Variants in ANO1 observed in about 807,000 individuals in gnomAD.
ANO1 encodes the protein anoctamin-1.
In ANO1, 59 loss-of-function variants were observed where a neutral mutation model predicts 124.0. The observed-to-expected ratio is 0.48, with a 90% CI of 0.39 to 0.59. The LOEUF (loss-of-function observed/expected upper bound fraction) is 0.59, where lower values mean the gene tolerates loss of function less well. Among genes scored for constraint, ANO1 ranks in the 20% least tolerant of loss-of-function variants. ANO1 has a pLI of 0.00. For synonymous variants in ANO1, 529 were observed against 532.0 expected (o/e 0.99, Z 0.08); for missense variants, 1,059 against 1,328.0 (o/e 0.80, Z 3.15).
intron 1 of ANO1, among the ~76,000 whole-genome samples, chr11:70,062,753 A>G (rs1311111549): frequency 6.6e-6 from 1 of 152,016 alleles, no homozygotes; most frequent in East Asian, 1.9e-4. Flanking sequence ...ACTGTTGAAA[A>G]TCTCTGAGCG....
chr11:70,062,681 T>A (rs1591067016), intron 1 of ANO1, among the ~76,000 whole-genome samples: 1 of 152,306 alleles, frequency 6.6e-6, no homozygotes. Flanking sequence ...CCTGTGTGCA[T>A]GTCTCTCCTC....
chr11:69,977,179 G>T, the ANO1 span, among the ~76,000 whole-genome samples: 9 of 152,320 alleles, frequency 5.9e-5, no homozygotes, highest in Non-Finnish European at 1.2e-4. Context: ...TAGCCCCCCA[G>T]GTGTCACCCA....
At chr11:69,975,484 T>A in the ANO1 span, among the ~76,000 whole-genome samples, 2 of 152,178 alleles carry the variant, frequency 1.3e-5, no homozygotes, top group South Asian at 4.1e-4. Flanking sequence ...CAAAGGAGGA[T>A]TCTAAACTGA....
chr11:70,088,371 A>G (rs11233617), intron 2 of ANO1, among the ~76,000 whole-genome samples: 114,400 of 151,746 alleles, frequency 0.75, 43,212 homozygotes, highest in Middle Eastern at 0.81. Flanking sequence ...TTAGCTGGGC[A>G]TGGTGGCATG....
In ANO1 at chr11:70,048,402, A is replaced by G. The variant is rs551771717; in HGVS notation, c.59-30140A>G. Among the ~76,000 whole-genome samples, 2 of 151,982 alleles carry G rather than the reference A, an allele frequency of 1.3e-5. 1 individual carries two copies. Among genetic ancestry groups the G allele is most frequent in the South Asian group, 4.2e-4 (2 of 4,798 alleles). On this transcript the variant is annotated intron_variant, in intron 1 of 27. Transcript: ENST00000531349. ...TCAGTTTCTATTCTTTTTTTCCCCC[A>G]ACTTGTTTCAAAAATGGTTATGGAA...
intron 1 of ANO1, chr11:70,065,364 C>G (rs782502671): frequency 6.6e-6 from 1 of 152,286 alleles, no homozygotes; most frequent in Non-Finnish European, 1.5e-5. Flanking sequence ...TACCTGGGGG[C>G]CTTGACTAAA....
intron 21 of ANO1, chr11:70,170,116 A>C (rs2048400365): frequency 2.3e-6 from 1 of 442,652 alleles, no homozygotes; most frequent in East Asian, 7.3e-5. Context: ...ACCCGGATCC[A>C]GGAGTCCTGA....
chr11:70,145,798 G>A (rs1000120529), intron 11 of ANO1, among the ~76,000 whole-genome samples: 6 of 151,972 alleles, frequency 3.9e-5, no homozygotes, highest in African/African-American at 9.7e-5. Context: ...TTAGCCGGGC[G>A]TGGTGGCATG....
intron 1 of ANO1, chr11:70,056,334 C>T (rs1857434103): frequency 6.6e-6 from 1 of 152,108 alleles, no homozygotes; most frequent in Non-Finnish European, 1.5e-5. Context: ...TTCAATATGT[C>T]ACTCTATTGT....
chr11:70,079,031 G>T (rs1197650355), intron 1 of ANO1, among the ~76,000 whole-genome samples: 1 of 152,096 alleles, frequency 6.6e-6, no homozygotes, highest in Non-Finnish European at 1.5e-5. Flanking sequence ...GCTGCAGCTC[G>T]GAGCCCAACC....
the ANO1 span, among the ~76,000 whole-genome samples, chr11:69,972,304 A>G: frequency 1.3e-5 from 2 of 151,890 alleles, no homozygotes; most frequent in African/African-American, 2.4e-5. Context: ...AATGTACAGT[A>G]TGAGCCGTGT....
chr11:69,999,211 C>T lies in ANO1; in HGVS notation c.58+13045C>T, dbSNP rs373266072. On this transcript the variant is annotated intron_variant, in intron 1 of 27. Transcript: ENST00000531349. ...GGAAGCTTACAATCATGGAGGAAGG[C>T]GAAGGGGAAGCAGGCATATCATATG... Among the ~76,000 whole-genome samples the T allele has an allele frequency of 3.2e-3, 484 of 152,004 alleles. 2 individuals carry two copies. The highest frequency in any genetic ancestry group is 0.01 in the African/African-American group (419 of 41,466).
chr11:69,982,713 T>C (rs1855969989), upstream of ANO1, among the ~76,000 whole-genome samples: 1 of 152,328 alleles, frequency 6.6e-6, no homozygotes, highest in Admixed American at 6.5e-5. Context: ...GCCCGGCTTC[T>C]GCACCAGCTT....
At chr11:70,075,978 C>T (rs557519664), upstream of ANO1, among the ~76,000 whole-genome samples, 5 of 152,310 alleles carry the variant, frequency 3.3e-5, no homozygotes, top group East Asian at 1.9e-4. Flanking sequence ...GACCCACGAA[C>T]CCCCGGCGAA....
At position 70,180,027 on chromosome 11, in the gene ANO1, G is replaced by C; in HGVS notation, c.2374G>C (p.Gly792Arg). The C allele has an allele frequency of 6.2e-7, 1 of 1,613,340 alleles. No homozygotes were observed. Among genetic ancestry groups the C allele is most frequent in the Non-Finnish European group, 8.5e-7 (1 of 1,179,338 alleles). Residue 792 changes from glycine (G) to arginine (R), a missense_variant, in exon 23 of 26, where the codon GGC (glycine) becomes CGC (arginine). By Grantham distance (125) the Gly-to-Arg change is moderately radical. This residue lies in a region of ANO1 where 809 missense variants were observed against 1,094.9 expected (regional missense o/e 0.74). Coordinates refer to ENST00000355303, the MANE Select transcript of ANO1 (RefSeq NM_018043.7). ...AGGAATCTGGTACAATATCCTCAGA[G>C]GCATTGGGAAGCTTGCTGTCATCAT... The part of the protein sequence containing the change: ...DIGIWYNILR[G>R]IGKLAVIINA...
At chr11:70,090,646 T>C (rs1481117711) in intron 2 of ANO1, among the ~76,000 whole-genome samples, 1 of 152,236 alleles carries the variant, frequency 6.6e-6, no homozygotes, top group African/African-American at 2.4e-5. Context: ...CCAAGTCTCA[T>C]TAAATACTAT....
chr11:70,143,348 G>T (rs1010720050), intron 11 of ANO1, among the ~76,000 whole-genome samples: 1 of 152,306 alleles, frequency 6.6e-6, no homozygotes, highest in East Asian at 1.9e-4. Context: ...CAGAAAGGGA[G>T]TCCGCCAGCC....
At chr11:70,126,523 TTC>T (rs139245491) in intron 10 of ANO1, among the ~76,000 whole-genome samples, 3,132 of 152,368 alleles carry the variant, frequency 0.021, 41 homozygotes, top group Non-Finnish European at 0.029. Context: ...CAAGAAAGTT[TTC>T]TGTTTCCTTG....
intron 5 of ANO1, among the ~76,000 whole-genome samples, chr11:70,106,085 CAT>C (rs2045528182): frequency 1.3e-5 from 2 of 152,142 alleles, no homozygotes; most frequent in African/African-American, 4.8e-5. Context: ...GCTCCCAGCA[CAT>C]GTCTCAGAGC....
Sources: allele counts gnomAD v4.1 joint callset (sites outside exome capture counted in the v4.1 genomes callset), GRCh38; gene constraint gnomAD v4.1.1; regional missense constraint gnomAD v4.1.1; transcripts MANE v1.5; gene names NCBI Gene and HGNC (gene_info 2026-07-23, HGNC 2026-07-21).